Variants in INTS13 observed in about 807,000 individuals in gnomAD.
INTS13 encodes the protein integrator complex subunit 13, also known as asunder, spermatogenesis regulator homolog (Drosphila).
INTS13 carries 35 observed loss-of-function variants against 90.2 expected under a neutral mutation model. The ratio of observed to expected loss-of-function variants is 0.39; its 90% CI spans 0.30 to 0.51. INTS13 has a LOEUF of 0.51. Ranked by LOEUF, INTS13 falls within the 20% of genes least tolerant of loss-of-function variation. The pLI, the probability that INTS13 is intolerant of heterozygous loss-of-function variation, is 0.80. For synonymous variants in INTS13, 309 were observed against 277.1 expected (o/e 1.11, Z -1.14); for missense variants, 601 against 851.2 (o/e 0.71, Z 3.66).
At chr12:26,914,921 T>C (rs924599273) in intron 11 of INTS13, among the ~76,000 whole-genome samples, 1 of 152,146 alleles carries the variant, frequency 6.6e-6, no homozygotes, top group African/African-American at 2.4e-5. Context: ...GAAGACCCAT[T>C]TGCTTATTTA....
At chr12:26,926,151 A>T (rs1369822808) in intron 5 of INTS13, among the ~76,000 whole-genome samples, 1 of 152,236 alleles carries the variant, frequency 6.6e-6, no homozygotes, top group African/African-American at 2.4e-5. Flanking sequence ...AACAGCGAAA[A>T]TGAATATATT....
At chr12:26,908,439 A>C (rs193112565) in intron 15 of INTS13, among the ~76,000 whole-genome samples, 51 of 152,348 alleles carry the variant, frequency 3.3e-4, no homozygotes. Context: ...TAAAACACAT[A>C]AAGGAGGAAA....
At position 26,929,300 on chromosome 12, in the gene INTS13, C is replaced by T. The variant is rs150980872; in HGVS notation, c.301-395G>A. Among the ~76,000 whole-genome samples, 172 of 152,278 alleles carry T rather than the reference C, an allele frequency of 1.1e-3. 1 individual carries two copies. The highest frequency in any genetic ancestry group is 4.0e-3 in the African/African-American group (167 of 41,562). On this transcript the variant is annotated intron_variant, in intron 3 of 16. Coordinates refer to ENST00000261191, the MANE Select transcript of INTS13 (RefSeq NM_018164.3). ...CCTATGAAAAACCTACTGATAACAT[C>T]ATACTTAATGGTGAAAGATTGGATG...
At chr12:26,928,403 T>G in intron 4 of INTS13, 118 bp from the exon 5 acceptor site, 2 of 813,336 alleles carry the variant, frequency 2.5e-6, no homozygotes, top group South Asian at 3.3e-5. Context: ...CACTAAGGAC[T>G]ATCTTTAGTG....
chr12:26,937,019 C>T (rs1187491493), intron 1 of INTS13, among the ~76,000 whole-genome samples: 2 of 152,178 alleles, frequency 1.3e-5, no homozygotes, highest in Non-Finnish European at 2.9e-5. Flanking sequence ...TAGGCTGTCA[C>T]TCTACCAGGC....
At chr12:26,930,077 A>G (rs1938109249) in intron 3 of INTS13, among the ~76,000 whole-genome samples, 1 of 152,194 alleles carries the variant, frequency 6.6e-6, no homozygotes, top group African/African-American at 2.4e-5. Context: ...AAACAGCATC[A>G]AAAATAAAAT....
chr12:26,924,274 T>G, intron 7 of INTS13, 81 bp downstream of exon 7: 272 of 1,480,990 alleles, frequency 1.8e-4, no homozygotes, highest in Non-Finnish European at 2.2e-4. Flanking sequence ...ATTACAGGCA[T>G]GAGCTACCAC....
chr12:26,912,613 GAA>G (rs1198814728), intron 14 of INTS13, among the ~76,000 whole-genome samples: 1 of 152,004 alleles, frequency 6.6e-6, no homozygotes, highest in Non-Finnish European at 1.5e-5. Flanking sequence ...CAAACTAAAG[GAA>G]AAGAGTATAC....
In INTS13 at chr12:26,905,515, T is replaced by C; in HGVS notation, c.2103A>G (p.Gly701=). The C allele has an allele frequency of 6.2e-7, 1 of 1,611,994 alleles. No homozygotes were observed. The highest frequency in any genetic ancestry group is 1.3e-5 in the African/African-American group (1 of 74,984). Residue 701 remains glycine (G), a synonymous_variant, in exon 17 of 17, where the codon GGA becomes GGG. Transcript: ENST00000261191. The stretch of plus-strand genomic sequence containing the variant: ...TCACTCTTCACTGCCGGCTGGCTTT[T>C]CCATTTTCTGTTGTCTCCATCCTGA... ...EENGMETTEN[G]KASRQ
At position 26,936,685 on chromosome 12, in the gene INTS13, C is replaced by T; in HGVS notation, c.119G>A (p.Gly40Glu). Residue 40 changes from glycine (G) to glutamate (E), a missense_variant, in exon 2 of 17, where the codon GGA (glycine) becomes GAA (glutamate). This residue lies in a region of INTS13 where 284 missense variants were observed against 387.7 expected (regional missense o/e 0.73). Transcript: ENST00000261191. ...FDMLVKNRTQGIIPLAPISKS... is the reference protein window; with the variant it reads ...FDMLVKNRTQEIIPLAPISKS... ...AGATATGGGGGCCAAAGGAATGATTCCTTGGGTTCTATTCTTCACCAGCAT... is the reference window on the plus strand; with the variant it reads ...AGATATGGGGGCCAAAGGAATGATTTCTTGGGTTCTATTCTTCACCAGCAT... 2 of 1,613,882 alleles carry T rather than the reference C, an allele frequency of 1.2e-6. No homozygotes were observed. The highest frequency in any genetic ancestry group is 1.7e-6 in the Non-Finnish European group (2 of 1,179,832).
intron 6 of INTS13, 137 bp downstream of exon 6, chr12:26,925,624 C>T: frequency 1.5e-6 from 1 of 677,378 alleles, no homozygotes; most frequent in Non-Finnish European, 2.4e-6. Context: ...GATGTCTTGA[C>T]ATAGAGGTTT....
At chr12:26,930,157 T>G (rs528240744) in intron 3 of INTS13, among the ~76,000 whole-genome samples, 1 of 152,270 alleles carries the variant, frequency 6.6e-6, no homozygotes, top group Non-Finnish European at 1.5e-5. Context: ...GTTGAAGAAA[T>G]TAAAGATCTA....
At chr12:26,914,690 C>T in intron 11 of INTS13, 112 bp from the exon 12 acceptor site, 1 of 812,532 alleles carries the variant, frequency 1.2e-6, no homozygotes, top group South Asian at 2.1e-5. Context: ...TGCAACAAAA[C>T]ATTTTTTCTA....
rs746358548 is a variant in INTS13 at position 26,925,775 on chromosome 12, G to C, written c.661C>G (p.Arg221Gly). ...PVGEDSLVSD[R>G]SKKELSPVLT... ...TCAACACTCACCTCTTTTTTAGAAC[G>C]ATCAGATACAAGGCTGTCTTCACCA... The change falls in exon 6 of 17, where the codon CGT becomes GGT. Residue 221 changes from arginine (R) to glycine (G), a missense_variant. Physicochemically the swap from Arg to Gly is moderately radical, Grantham distance 125. This residue lies in a region of INTS13 where 284 missense variants were observed against 387.7 expected (regional missense o/e 0.73). Transcript: ENST00000261191. 1.9e-6 allele frequency: 3 copies of C among 1,607,424 alleles called. No individual in the cohort carries two copies. Among genetic ancestry groups the C allele is most frequent in the Admixed American group, 1.7e-5 (1 of 59,554 alleles).
chr12:26,927,668 T>C (rs1937957011), intron 5 of INTS13, among the ~76,000 whole-genome samples: 1 of 152,112 alleles, frequency 6.6e-6, no homozygotes, highest in African/African-American at 2.4e-5. Context: ...CAGGCTGGAG[T>C]GTAGTGGCAC....
rs1951854371 is a variant in INTS13 at position 26,913,673 on chromosome 12, C to T, written c.1589G>A (p.Arg530His). Residue 530 changes from arginine (R) to histidine (H), a missense_variant, in exon 14 of 17, where the codon CGT (arginine) becomes CAT (histidine). By Grantham distance (29) the Arg-to-His change is conservative. Transcript: ENST00000261191. ...GGTTTCTAATTCATTCCACATGATA[C>T]GGTATTGTTCATCTCTGCAGCAAAG... ...GKGPKRDEQY[R>H]IMWNELETLV... The T allele has an allele frequency of 3.7e-6, 6 of 1,611,582 alleles. No homozygotes were observed. Among genetic ancestry groups the T allele is most frequent in the African/African-American group, 1.3e-5 (1 of 74,880 alleles).
At chr12:26,938,174 C>T (rs1255996396), upstream of INTS13, 1 of 152,724 alleles carries the variant, frequency 6.5e-6, no homozygotes, top group Non-Finnish European at 1.5e-5. Context: ...CTAATTTTCC[C>T]AGTCACCCAT....
intron 8 of INTS13, among the ~76,000 whole-genome samples, chr12:26,921,525 T>G (rs935144729): frequency 6.6e-6 from 1 of 152,202 alleles, no homozygotes; most frequent in Non-Finnish European, 1.5e-5. Context: ...TACTGACAGA[T>G]AAGTTTGCAC....
intron 11 of INTS13, 31 bp from the exon 12 acceptor site, chr12:26,914,609 A>C: frequency 2.0e-6 from 3 of 1,521,424 alleles, no homozygotes; most frequent in Non-Finnish European, 2.7e-6. Context: ...TAAAATTAGA[A>C]ACTATGTCTA....
Sources: allele counts gnomAD v4.1 joint callset (sites outside exome capture counted in the v4.1 genomes callset), GRCh38; gene constraint gnomAD v4.1.1; regional missense constraint gnomAD v4.1.1; transcripts MANE v1.5; gene names NCBI Gene and HGNC (gene_info 2026-07-23, HGNC 2026-07-21).